PLCE1: variants seen among roughly 807,000 people sequenced by gnomAD.
The protein encoded by PLCE1 is 1-phosphatidylinositol 4,5-bisphosphate phosphodiesterase epsilon-1.
PLCE1 carries 119 observed loss-of-function variants against 242.8 expected under a neutral mutation model. That is an observed-to-expected ratio of 0.49 (90% CI 0.42 to 0.57). PLCE1 has a LOEUF of 0.57. Among genes scored for constraint, PLCE1 ranks in the 20% least tolerant of loss-of-function variants. The pLI is 0.00. For missense variants in PLCE1, 2,441 were observed against 2,788.8 expected, an observed-to-expected ratio of 0.88 and a Z score of 2.81; for synonymous variants, 945 against 1,017.4, an observed-to-expected ratio of 0.93 and a Z score of 1.35.
At chr10:94,229,331 G>T (rs1299713454) in intron 5 of PLCE1, among the ~76,000 whole-genome samples, 1 of 152,136 alleles carries the variant, frequency 6.6e-6, no homozygotes, top group Non-Finnish European at 1.5e-5. Context: ...CTGGCTGTTG[G>T]CCAGGGACCT....
At chr10:94,193,375 TC>T (rs2048727137) in intron 4 of PLCE1, among the ~76,000 whole-genome samples, 1 of 152,178 alleles carries the variant, frequency 6.6e-6, no homozygotes, top group African/African-American at 2.4e-5. Context: ...AAAGCCACCA[TC>T]CTCAGACCAG....
Position 94,246,210 on chromosome 10 carries a change from G to A in PLCE1, c.2685G>A (p.Lys895=). The A allele has an allele frequency of 1.9e-6, 3 of 1,614,110 alleles. No homozygotes were observed. The highest frequency in any genetic ancestry group is 2.5e-6 in the Non-Finnish European group (3 of 1,180,014). The part of the protein sequence containing the change: ...QPDNSTLTWV[K]PTTASPASSK... ...ACAATAGCACCTTGACCTGGGTAAA[G>A]CCCACAACTGCCTCCCCAGCCAGCA... Residue 895 remains lysine (K), a synonymous_variant, in exon 8 of 33, where the codon AAG becomes AAA. Transcript: ENST00000371380.
chr10:94,209,144 G>A (rs2049256065), intron 4 of PLCE1, among the ~76,000 whole-genome samples: 1 of 152,008 alleles, frequency 6.6e-6, no homozygotes, highest in Admixed American at 6.6e-5. Context: ...TTTCTTCCAG[G>A]GCATGTAAAA....
rs1564905193 is a variant in PLCE1 at position 94,329,797 on chromosome 10, A to AAAAC, written c.*1857_*1858insCAAA. Reference sequence around the variant, plus strand: ...GTCTCAAAAAAAAAAAAAAAAAAAAAAAAAAAAAAAAAAACACCATACAGC... The same window carrying AAAAC: ...GTCTCAAAAAAAAAAAAAAAAAAAAAAAACAAAAAAAAAAAAAACACCATACAGC... On this transcript the variant is annotated 3_prime_UTR_variant, in exon 33 of 33. Transcript: ENST00000371380. 2 of 150,376 alleles carry AAAAC rather than the reference A, an allele frequency of 1.3e-5. No homozygotes were observed. Among genetic ancestry groups the AAAAC allele is most frequent in the Non-Finnish European group, 1.5e-5 (1 of 67,848 alleles). The allele number at this position is 150,376 out of a possible 1,614,324, so 9.3% of individuals were successfully genotyped here. A position where few individuals can be genotyped will look rare whatever the true frequency, so the allele number is the denominator to read the frequency against.
At chr10:94,239,422 C>T (rs1407338293) in intron 7 of PLCE1, among the ~76,000 whole-genome samples, 2 of 152,236 alleles carry the variant, frequency 1.3e-5, no homozygotes, top group Non-Finnish European at 2.9e-5. Context: ...TGCAGCAAGG[C>T]TTCACCTTCT....
chr10:94,019,808 G>C (rs573087480), intron 1 of PLCE1, among the ~76,000 whole-genome samples: 31 of 152,258 alleles, frequency 2.0e-4, no homozygotes, highest in African/African-American at 7.0e-4. Context: ...ATGCAATGTG[G>C]TGTTTTTGAG....
chr10:94,215,358 G>T (rs1223643997), intron 4 of PLCE1, among the ~76,000 whole-genome samples: 1 of 152,190 alleles, frequency 6.6e-6, no homozygotes, highest in Admixed American at 6.5e-5. Context: ...TGTCACTTGT[G>T]CTGGGAAACA....
chr10:94,322,092 T>G (rs1436167983), intron 30 of PLCE1, 33 bp downstream of exon 30: 6 of 1,598,222 alleles, frequency 3.8e-6, no homozygotes. Context: ...CCTGAGTCCT[T>G]TCCTCAGCAT....
chr10:94,063,034 C>A (rs1365794267), intron 2 of PLCE1, among the ~76,000 whole-genome samples: 2 of 152,128 alleles, frequency 1.3e-5, no homozygotes, highest in African/African-American at 4.8e-5. Context: ...GCCTCCCTTC[C>A]TGTTGTCTTT....
chr10:94,327,906 C>A, intron 32 of PLCE1, 62 bp from the exon 33 acceptor site: 2 of 495,684 alleles, frequency 4.0e-6, no homozygotes, highest in South Asian at 1.5e-5. Flanking sequence ...CTTGGTATAC[C>A]GCAAGTGTTT....
intron 8 of PLCE1, among the ~76,000 whole-genome samples, chr10:94,251,447 C>T (rs2050871011): frequency 6.6e-6 from 1 of 152,178 alleles, no homozygotes; most frequent in African/African-American, 2.4e-5. Context: ...GAGAGCCAGC[C>T]TGAAATGTTT....
chr10:94,276,072 A>G (rs1564852626), intron 19 of PLCE1, among the ~76,000 whole-genome samples: 1 of 152,062 alleles, frequency 6.6e-6, no homozygotes, highest in Non-Finnish European at 1.5e-5. Flanking sequence ...TGTTTCTGTC[A>G]TCTGGTACAT....
chr10:94,041,798 G>T (rs1047557830), intron 2 of PLCE1, among the ~76,000 whole-genome samples: 7 of 152,076 alleles, frequency 4.6e-5, no homozygotes, highest in Non-Finnish European at 8.8e-5. Context: ...CATTCCTGGG[G>T]TTTGGAAGGT....
In PLCE1 at chr10:94,031,793, G is replaced by A; in HGVS notation, c.747G>A (p.Glu249=). The change falls in exon 2 of 33, where the codon GAG becomes GAA. Residue 249 remains glutamate, a synonymous_variant. Coordinates refer to ENST00000371380, the MANE Select transcript of PLCE1 (RefSeq NM_016341.4). ...CCAAAAATTGTGATAATAAGAATGA[G>A]CAGCTGCAGTGTGATCATTGTGACA... is the stretch of plus-strand genomic sequence containing the variant. The part of the protein sequence containing the change: ...ELAKNCDNKN[E]QLQCDHCDTL... 6.2e-7 allele frequency: 1 copy of A among 1,613,750 alleles called. No individual in the cohort carries two copies. The highest frequency in any genetic ancestry group is 8.5e-7 in the Non-Finnish European group (1 of 1,179,838).
Position 94,031,845 on chromosome 10 carries a change from G to T in PLCE1, c.799G>T (p.Glu267Ter), listed in dbSNP as rs374561180. The T allele has an allele frequency of 5.0e-6, 8 of 1,613,806 alleles. No homozygotes were observed. Among genetic ancestry groups the T allele is most frequent in the Non-Finnish European group, 6.8e-6 (8 of 1,179,840 alleles). ...DTLNDKYFCF[E>*]GSCEKVDMVY... ...CTTGAATGATAAATACTTTTGCTTTGAAGGCTCTTGTGAGAAGGTTGACAT... is the reference window on the plus strand; with the variant it reads ...CTTGAATGATAAATACTTTTGCTTTTAAGGCTCTTGTGAGAAGGTTGACAT... Residue 267 changes from glutamate (E) to a stop codon, truncating the protein, a stop_gained, in exon 2 of 33, where the codon GAA (glutamate) becomes TAA (stop). Coordinates refer to ENST00000371380, the MANE Select transcript of PLCE1 (RefSeq NM_016341.4). LOFTEE classifies it high-confidence loss of function.
At chr10:94,322,688 G>A (rs954456485) in intron 30 of PLCE1, among the ~76,000 whole-genome samples, 1 of 152,090 alleles carries the variant, frequency 6.6e-6, no homozygotes, top group Non-Finnish European at 1.5e-5. Flanking sequence ...GGGAGGCTGA[G>A]GCAGGAGAAT....
intron 2 of PLCE1, among the ~76,000 whole-genome samples, chr10:94,060,091 T>G (rs562034644): frequency 1.4e-3 from 219 of 152,312 alleles, no homozygotes; most frequent in African/African-American, 4.9e-3. Flanking sequence ...TTTGATGGCA[T>G]GTGGTATGTA....
rs1049910759 is a variant in PLCE1 at position 94,329,804 on chromosome 10, A to C, written c.*1861A>C. The stretch of plus-strand genomic sequence containing the variant: ...AAAAAAAAAAAAAAAAAAAAAAAAA[A>C]AAAAAAACACCATACAGCTTTCATG... On this transcript the variant is annotated 3_prime_UTR_variant, in exon 33 of 33. Coordinates refer to ENST00000371380, the MANE Select transcript of PLCE1 (RefSeq NM_016341.4). 4 of 149,418 alleles carry C rather than the reference A, an allele frequency of 2.7e-5. No homozygotes were observed. Among genetic ancestry groups the C allele is most frequent in the Non-Finnish European group, 1.5e-5 (1 of 67,588 alleles). 9.3% of individuals were successfully genotyped at this position (149,418 alleles called of 1,614,324 possible). A position where few individuals can be genotyped will look rare whatever the true frequency, so the allele number is the denominator to read the frequency against.
rs960234294 is a variant in PLCE1, at chr10:94,030,828, C to A, written c.-219C>A. On this transcript the variant is annotated 5_prime_UTR_variant, in exon 2 of 33. Coordinates refer to ENST00000371380, the MANE Select transcript of PLCE1 (RefSeq NM_016341.4). ...GGAAAATTGATCTACCACCTTAAAACCCTGATCTAGAAAAAATATATATTC... is the reference window on the plus strand; with the variant it reads ...GGAAAATTGATCTACCACCTTAAAAACCTGATCTAGAAAAAATATATATTC... 8.8e-6 allele frequency: 5 copies of A among 570,522 alleles called. No homozygotes were observed. The African/African-American group carries it at 9.4e-5, about 11-fold the overall frequency. The allele number at this position is 570,522 out of a possible 1,614,324, so 35.3% of individuals were successfully genotyped here.
Sources: gnomAD v4.1 joint callset for allele counts (sites outside exome capture counted in the v4.1 genomes callset) on GRCh38, gnomAD v4.1.1 for gene constraint, MANE v1.5 for transcripts, NCBI Gene and HGNC (gene_info 2026-07-23, HGNC 2026-07-21) for gene names.